Variants in MTA3 observed in about 807,000 individuals in gnomAD.
MTA3 encodes metastasis associated 1 family member 3.
In MTA3, 34 loss-of-function variants were observed where a neutral mutation model predicts 83.5. The ratio of observed to expected loss-of-function variants is 0.41; its 90% CI spans 0.31 to 0.54. The LOEUF is 0.54. MTA3 is among the 20% of genes least tolerant of loss of function. The pLI is 0.33. For synonymous variants in MTA3, 303 were observed against 252.7 expected, an observed-to-expected ratio of 1.20 and a Z score of -1.89; for missense variants, 761 against 726.4, an observed-to-expected ratio of 1.05 and a Z score of -0.55.
chr2:42,593,716 A>ATTTG (rs1681320145), intron 3 of MTA3, among the ~76,000 whole-genome samples: 1 of 151,482 alleles, frequency 6.6e-6, no homozygotes, highest in African/African-American at 2.4e-5. Context: ...GTCTTTATTT[A>ATTTG]TTTACTGAGA....
rs1258881770 is a variant in MTA3 at position 42,708,907 on chromosome 2, G to A, written c.1336G>A (p.Ala446Thr). Residue 446 changes from alanine to threonine, a missense_variant, in exon 14 of 17, where the codon GCC becomes ACC. By Grantham distance (58) the Ala-to-Thr change is moderately conservative. Coordinates refer to ENST00000405094, the MANE Select transcript of MTA3 (RefSeq NM_001330442.2). Reference protein sequence around the residue: ...PRVRSHVSRQAMQGMPVRNTG... With the variant: ...PRVRSHVSRQTMQGMPVRNTG... ...TGTTAGAAGTCACGTGTCCCGCCAG[G>A]CCATGCAGGGAATGCCAGTCCGAAA... 5.0e-6 allele frequency: 8 copies of A among 1,613,872 alleles called. No homozygotes were observed. Among genetic ancestry groups the A allele is most frequent in the East Asian group, 2.2e-5 (1 of 44,884 alleles).
chr2:42,729,501 A>G (rs1668102543), intron 16 of MTA3, among the ~76,000 whole-genome samples: 1 of 152,182 alleles, frequency 6.6e-6, no homozygotes, highest in Non-Finnish European at 1.5e-5. Context: ...GCATATGGCT[A>G]TCCAGTTTTC....
chr2:42,565,707 T>C (rs1677880472), upstream of MTA3, among the ~76,000 whole-genome samples: 1 of 152,008 alleles, frequency 6.6e-6, no homozygotes, highest in African/African-American at 2.4e-5. Context: ...ACACCTTCTA[T>C]ATTTAAATTT....
At chr2:42,538,324 G>A (rs1183401609) in intron 2 of MTA3, among the ~76,000 whole-genome samples, 2 of 152,134 alleles carry the variant, frequency 1.3e-5, no homozygotes, top group African/African-American at 4.8e-5. Context: ...CGGTAAGTAT[G>A]GGTGATAGCT....
At chr2:42,633,060 C>T (rs1025172070) in intron 4 of MTA3, among the ~76,000 whole-genome samples, 11 of 151,388 alleles carry the variant, frequency 7.3e-5, no homozygotes, top group African/African-American at 2.2e-4. Context: ...GTCAAGAGCT[C>T]GAGACCATCC....
chr2:42,586,474 G>A (rs1452179562), intron 3 of MTA3, among the ~76,000 whole-genome samples: 41 of 22,594 alleles, frequency 1.8e-3, no homozygotes, highest in South Asian at 8.7e-3. Context: ...AAGAAGGAAG[G>A]AAAACACACA....
chr2:42,682,945 G>A (rs1385839016), intron 9 of MTA3, among the ~76,000 whole-genome samples: 1 of 152,134 alleles, frequency 6.6e-6, no homozygotes, highest in South Asian at 2.1e-4. Context: ...GGTGGCACGT[G>A]CCTGTAGCCC....
intron 4 of MTA3, among the ~76,000 whole-genome samples, chr2:42,610,090 A>G (rs1684002309): frequency 6.6e-6 from 1 of 152,120 alleles, no homozygotes; most frequent in South Asian, 2.1e-4. Flanking sequence ...ACAGAGTGAC[A>G]CTCTGTCTTT....
intron 8 of MTA3, among the ~76,000 whole-genome samples, chr2:42,667,356 ACATTTTCATT>A (rs1382955523): frequency 3.3e-5 from 5 of 152,130 alleles, no homozygotes; most frequent in Non-Finnish European, 5.9e-5. Flanking sequence ...CATCTCTGGA[ACATTTTCATT>A]TTCCCAAACA....
At chr2:42,557,296 A>C (rs983829065) in intron 2 of MTA3, among the ~76,000 whole-genome samples, 4 of 144,086 alleles carry the variant, frequency 2.8e-5, no homozygotes, top group Non-Finnish European at 6.0e-5. Flanking sequence ...ATAAATAAAA[A>C]TTTAAAAATT....
intron 2 of MTA3, among the ~76,000 whole-genome samples, chr2:42,538,406 C>G (rs1326770379): frequency 6.6e-6 from 1 of 151,732 alleles, no homozygotes; most frequent in Non-Finnish European, 1.5e-5. Flanking sequence ...AAAAGTTTGG[C>G]AAAAATATGA....
intron 16 of MTA3, among the ~76,000 whole-genome samples, chr2:42,736,303 C>A (rs1668610905): frequency 6.6e-6 from 1 of 152,194 alleles, no homozygotes; most frequent in African/African-American, 2.4e-5. Flanking sequence ...TGTCTCTGTG[C>A]TGAGCTGCCT....
intron 2 of MTA3, among the ~76,000 whole-genome samples, chr2:42,517,872 A>G (rs1675222876): frequency 6.6e-6 from 1 of 150,716 alleles, no homozygotes; most frequent in African/African-American, 2.4e-5. Context: ...CTCAAAAAAA[A>G]AAAAAAAAAG....
At chr2:42,685,549 A>T (rs1692298921) in intron 9 of MTA3, among the ~76,000 whole-genome samples, 1 of 152,210 alleles carries the variant, frequency 6.6e-6, no homozygotes, top group South Asian at 2.1e-4. Context: ...TGCCTTTAGT[A>T]CGAAATCCAT....
chr2:42,564,758 T>C (rs994359020), upstream of MTA3, among the ~76,000 whole-genome samples: 18 of 152,196 alleles, frequency 1.2e-4, no homozygotes, highest in African/African-American at 3.1e-4. Flanking sequence ...ACTCCCAGAC[T>C]GTGGCCAGCA....
chr2:42,645,901 T>G (rs1688136115), intron 6 of MTA3, among the ~76,000 whole-genome samples: 1 of 152,236 alleles, frequency 6.6e-6, no homozygotes, highest in East Asian at 1.9e-4. Context: ...TCAATGTAGA[T>G]AAAACAGCTT....
intron 2 of MTA3, among the ~76,000 whole-genome samples, chr2:42,549,725 T>G (rs1019187119): frequency 1.5e-5 from 2 of 135,006 alleles, no homozygotes; most frequent in African/African-American, 2.8e-5. Flanking sequence ...TTAAATTATA[T>G]ATTATATATG....
chr2:42,682,230 G>A (rs911454365), intron 8 of MTA3, among the ~76,000 whole-genome samples, 171 bp from the exon 9 acceptor site: 1 of 152,148 alleles, frequency 6.6e-6, no homozygotes, highest in Admixed American at 6.5e-5. Flanking sequence ...ATTTTCTAAA[G>A]CAATAAATGA....
chr2:42,535,112 C>T (rs908579192), intron 2 of MTA3, among the ~76,000 whole-genome samples: 13 of 151,980 alleles, frequency 8.6e-5, no homozygotes, highest in Non-Finnish European at 1.6e-4. Context: ...ACAGGCTGGG[C>T]GCGGTGGCTC....
Sources: gnomAD v4.1 joint callset for allele counts (sites outside exome capture counted in the v4.1 genomes callset) on GRCh38, gnomAD v4.1.1 for gene constraint, MANE v1.5 for transcripts, NCBI Gene and HGNC (gene_info 2026-07-23, HGNC 2026-07-21) for gene names.